RBFOX1: variants seen among roughly 807,000 people sequenced by gnomAD.
RBFOX1 encodes RNA binding fox-1 homolog 1.
In RBFOX1, 8 loss-of-function variants were observed where a neutral mutation model predicts 57.7. The observed-to-expected ratio is 0.14, with a 90% CI of 0.08 to 0.25. RBFOX1 has a LOEUF of 0.25. Among genes scored for constraint, RBFOX1 ranks in the 10% least tolerant of loss-of-function variants. RBFOX1 has a pLI of 1.00. For synonymous variants in RBFOX1, 326 were observed against 222.4 expected (o/e 1.47, Z -4.15); for missense variants, 611 against 548.5 (o/e 1.11, Z -1.14).
At chr16:6,640,068 G>A (rs1437880106) in intron 2 of RBFOX1, among the ~76,000 whole-genome samples, 4 of 152,036 alleles carry the variant, frequency 2.6e-5, no homozygotes, top group Admixed American at 6.6e-5. Context: ...AAGTTGCTGC[G>A]AAAAGCCATA....
chr16:7,686,856 A>G lies in RBFOX1; in HGVS notation c.995+10018A>G, dbSNP rs140073805. Among the ~76,000 whole-genome samples, 289 of 152,188 alleles carry G rather than the reference A, an allele frequency of 1.9e-3. 8 individuals carry two copies. Among genetic ancestry groups the G allele is most frequent in the Admixed American group, 0.017 (261 of 15,262 alleles). On this transcript the variant is annotated intron_variant, in intron 14 of 15. Coordinates refer to ENST00000550418, the MANE Select transcript of RBFOX1 (RefSeq NM_018723.4). ...AATGTTAAATGTTGGAGGAACTAAA[A>G]TGACAAAAGGGAACTGTTCAAGGTC...
In RBFOX1 at chr16:7,256,892, C is replaced by T. The variant is rs1031662640; in HGVS notation, c.27+204794C>T. Among the ~76,000 whole-genome samples the T allele has an allele frequency of 3.9e-5, 6 of 152,252 alleles. 1 individual carries two copies. In the South Asian group the frequency reaches 1.2e-3, roughly 32 times the overall value. ...CACTAGGGCATCTGAAAGTCCATCA[C>T]ACCCGGGAAACCTACCCAAGTCTCT... On this transcript the variant is annotated intron_variant, in intron 4 of 15. Coordinates refer to ENST00000550418, the MANE Select transcript of RBFOX1 (RefSeq NM_018723.4).
intron 14 of RBFOX1, among the ~76,000 whole-genome samples, chr16:7,703,578 ATAAGAAAATTATGT>A (rs1274272366): frequency 6.6e-6 from 1 of 152,222 alleles, no homozygotes; most frequent in Non-Finnish European, 1.5e-5. Flanking sequence ...CTGTGGCCCT[ATAAGAAAATTATGT>A]TAAAACCCTG....
At chr16:5,555,890 G>A (rs1456829220) in intron 2 of RBFOX1, among the ~76,000 whole-genome samples, 2 of 152,040 alleles carry the variant, frequency 1.3e-5, no homozygotes, top group African/African-American at 4.8e-5. Flanking sequence ...TCGTGGTGGT[G>A]CATGTCTGTA....
intron 4 of RBFOX1, among the ~76,000 whole-genome samples, chr16:7,420,557 G>T (rs2098530662): frequency 6.6e-6 from 1 of 152,036 alleles, no homozygotes. Flanking sequence ...CTTTCCTCAA[G>T]AATATTGAAT....
At chr16:6,497,121 G>C (rs2095793383) in intron 2 of RBFOX1, among the ~76,000 whole-genome samples, 1 of 152,148 alleles carries the variant, frequency 6.6e-6, no homozygotes. Context: ...TTTAGAGAAG[G>C]TAATTAACCA....
chr16:6,798,890 A>G (rs561697138), intron 3 of RBFOX1, among the ~76,000 whole-genome samples: 1 of 152,228 alleles, frequency 6.6e-6, no homozygotes, highest in East Asian at 1.9e-4. Flanking sequence ...TCCTTTCTGT[A>G]GAGGTTTAGA....
At chr16:7,501,312 T>G (rs1371980545) in intron 4 of RBFOX1, among the ~76,000 whole-genome samples, 3 of 152,254 alleles carry the variant, frequency 2.0e-5, no homozygotes, top group Non-Finnish European at 2.9e-5. Context: ...TTATCAGCTC[T>G]CTCTCTGTTC....
intron 2 of RBFOX1, among the ~76,000 whole-genome samples, chr16:6,595,450 C>T (rs927012719): frequency 6.6e-6 from 1 of 152,052 alleles, no homozygotes; most frequent in Non-Finnish European, 1.5e-5. Flanking sequence ...TGTGTTTGTC[C>T]ATTCATTGGT....
intron 1 of RBFOX1, chr16:5,366,036 T>A (rs1257925106): frequency 4.1e-6 from 2 of 487,624 alleles, no homozygotes; most frequent in Non-Finnish European, 8.0e-6. Context: ...GCTTTGAAAA[T>A]GTCTGTACAG....
intron 3 of RBFOX1, among the ~76,000 whole-genome samples, chr16:6,827,425 A>G (rs916679879): frequency 1.3e-5 from 2 of 151,400 alleles, no homozygotes; most frequent in Non-Finnish European, 3.0e-5. Context: ...GAAGGAAGAG[A>G]AGTTTGGTCA....
chr16:5,959,553 G>C (rs1461405729), intron 4 of RBFOX1, among the ~76,000 whole-genome samples: 5 of 152,118 alleles, frequency 3.3e-5, no homozygotes, highest in African/African-American at 7.2e-5. Context: ...GTCCAAAACA[G>C]AATTTCTTTA....
At chr16:7,602,374 T>C (rs8057180) in intron 9 of RBFOX1, among the ~76,000 whole-genome samples, 3,122 of 152,222 alleles carry the variant, frequency 0.021, 107 homozygotes, top group African/African-American at 0.071. Flanking sequence ...CATTGCCTTG[T>C]TGTGGGGCTG....
intron 3 of RBFOX1, among the ~76,000 whole-genome samples, chr16:6,859,119 A>ATACATATATATGTATATATATATATG (rs374334575): frequency 1.1e-4 from 9 of 82,176 alleles, no homozygotes; most frequent in Non-Finnish European, 1.6e-4. Context: ...GTGTATATAT[A>ATACATATATATGTATATATATATATG]TATATATATA....
At chr16:5,408,777 C>G (rs1457884322) in intron 1 of RBFOX1, among the ~76,000 whole-genome samples, 2 of 152,172 alleles carry the variant, frequency 1.3e-5, no homozygotes, top group African/African-American at 4.8e-5. Flanking sequence ...CAGGCACTTC[C>G]CATGGCAAAA....
At chr16:7,609,894 T>C (rs2057091364) in intron 10 of RBFOX1, among the ~76,000 whole-genome samples, 2 of 152,066 alleles carry the variant, frequency 1.3e-5, no homozygotes, top group Admixed American at 6.6e-5. Flanking sequence ...CTCAGTTCAC[T>C]GCAAGCTCTG....
intron 2 of RBFOX1, among the ~76,000 whole-genome samples, chr16:5,471,049 G>GTC (rs2069117802): frequency 6.6e-6 from 1 of 152,088 alleles, no homozygotes; most frequent in Non-Finnish European, 1.5e-5. Flanking sequence ...GACGGGGCTG[G>GTC]TCTCAAACTC....
intron 2 of RBFOX1, among the ~76,000 whole-genome samples, chr16:6,467,689 C>T (rs546967443): frequency 2.2e-4 from 33 of 152,296 alleles, no homozygotes; most frequent in African/African-American, 6.5e-4. Context: ...AGACTGCAGT[C>T]ATCCTGTGTG....
intron 3 of RBFOX1, among the ~76,000 whole-genome samples, chr16:6,909,354 T>G (rs1459641125): frequency 6.6e-6 from 1 of 152,216 alleles, no homozygotes; most frequent in Non-Finnish European, 1.5e-5. Flanking sequence ...TTGTGATTAC[T>G]TTGGGTCCAC....
Sources: gnomAD v4.1 joint callset for allele counts (sites outside exome capture counted in the v4.1 genomes callset) on GRCh38, gnomAD v4.1.1 for gene constraint, MANE v1.5 for transcripts, NCBI Gene and HGNC (gene_info 2026-07-23, HGNC 2026-07-21) for gene names.